The following ABHD12 variants were observed in gnomAD, a reference collection of about 807,000 sequenced individuals.
ABHD12 encodes the protein abhydrolase domain containing 12, lysophospholipase.
ABHD12 carries 43 observed loss-of-function variants against 58.3 expected under a neutral mutation model. The observed-to-expected ratio is 0.74, with a 90% CI of 0.58 to 0.95. ABHD12 has a LOEUF of 0.95. ABHD12 is among the 40% of genes least tolerant of loss of function. The pLI, the probability that ABHD12 is intolerant of heterozygous loss-of-function variation, is 0.00. For missense variants in ABHD12, 539 were observed against 537.2 expected, an observed-to-expected ratio of 1.00 and a Z score of -0.03; for synonymous variants, 219 against 211.2, an observed-to-expected ratio of 1.04 and a Z score of -0.32.
chr20:25,315,585 T>TG (rs138473266), intron 5 of ABHD12, among the ~76,000 whole-genome samples: 5 of 151,770 alleles, frequency 3.3e-5, no homozygotes, highest in Admixed American at 6.5e-5. Context: ...CTCCCTTCTT[T>TG]GGGGGGGTTG....
At chr20:25,333,667 A>C (rs1231714564) in intron 2 of ABHD12, among the ~76,000 whole-genome samples, 2 of 151,976 alleles carry the variant, frequency 1.3e-5, no homozygotes, top group East Asian at 3.8e-4. Context: ...GCAAATCAAT[A>C]AATGTAATCC....
At chr20:25,309,321 C>A in intron 7 of ABHD12, 125 bp downstream of exon 7, 3 of 1,403,258 alleles carry the variant, frequency 2.1e-6, no homozygotes, top group Non-Finnish European at 3.0e-6. Context: ...GGGATGGGAG[C>A]GAGGCTGGTC....
At chr20:25,354,102 G>GTTCT (rs2089637699) in intron 1 of ABHD12, among the ~76,000 whole-genome samples, 1 of 152,218 alleles carries the variant, frequency 6.6e-6, no homozygotes, top group Non-Finnish European at 1.5e-5. Flanking sequence ...GGACGGGGAG[G>GTTCT]TTCTTATTTC....
chr20:25,371,630 C>G (rs766117557), intron 1 of ABHD12, among the ~76,000 whole-genome samples: 37 of 152,146 alleles, frequency 2.4e-4, no homozygotes, highest in Non-Finnish European at 4.3e-4. Context: ...ATCTCAGAAA[C>G]TTGATAGAAA....
intron 1 of ABHD12, among the ~76,000 whole-genome samples, chr20:25,346,149 A>T (rs958331637): frequency 6.6e-6 from 1 of 152,234 alleles, no homozygotes; most frequent in Non-Finnish European, 1.5e-5. Context: ...TCAGCAATCA[A>T]GCCATGAAAA....
At chr20:25,365,219 C>G (rs772901646) in intron 1 of ABHD12, among the ~76,000 whole-genome samples, 1 of 152,248 alleles carries the variant, frequency 6.6e-6, no homozygotes, top group Non-Finnish European at 1.5e-5. Context: ...CAAAGTCTCA[C>G]TGCCAACTTG....
chr20:25,352,768 G>A (rs139428920), intron 1 of ABHD12, among the ~76,000 whole-genome samples: 1 of 152,270 alleles, frequency 6.6e-6, no homozygotes, highest in East Asian at 1.9e-4. Context: ...TACAGGCCAG[G>A]CATGGTAGCT....
chr20:25,300,515 G>C lies in ABHD12; in HGVS notation c.*330C>G, dbSNP rs568458189. On this transcript the variant is annotated 3_prime_UTR_variant, in exon 13 of 13. Transcript: ENST00000339157. Reference sequence around the variant, plus strand: ...CCCGAGCCCCAAGAGTCCCCTGCCCGGACTCCCCCTGTCCAGCTCAGTGCA... The same window carrying C: ...CCCGAGCCCCAAGAGTCCCCTGCCCCGACTCCCCCTGTCCAGCTCAGTGCA... 1 of 1,319,830 alleles carries C rather than the reference G, an allele frequency of 7.6e-7. No individual in the cohort carries two copies. Among genetic ancestry groups the C allele is most frequent in the East Asian group, 3.3e-5 (1 of 30,012 alleles). The allele number at this position is 1,319,830 out of a possible 1,614,324, so 81.8% of individuals were successfully genotyped here. A position where few individuals can be genotyped will look rare whatever the true frequency, so the allele number is the denominator to read the frequency against.
intron 1 of ABHD12, among the ~76,000 whole-genome samples, chr20:25,367,365 A>G (rs1215258531): frequency 6.6e-6 from 1 of 152,216 alleles, no homozygotes; most frequent in African/African-American, 2.4e-5. Flanking sequence ...AATTTGCCAC[A>G]TATACTTCAG....
chr20:25,349,638 C>G (rs1009298991), intron 1 of ABHD12, among the ~76,000 whole-genome samples: 3 of 152,084 alleles, frequency 2.0e-5, no homozygotes, highest in Admixed American at 2.0e-4. Flanking sequence ...GTGAAATAAG[C>G]CAGACACAAA....
At chr20:25,326,330 G>A (rs879295951) in intron 2 of ABHD12, among the ~76,000 whole-genome samples, 13 of 152,262 alleles carry the variant, frequency 8.5e-5, no homozygotes, top group East Asian at 3.9e-4. Context: ...GACTTATAGC[G>A]CCAATAAAAG....
chr20:25,352,391 C>T (rs1962310), intron 1 of ABHD12, among the ~76,000 whole-genome samples: 34,160 of 151,088 alleles, frequency 0.23, 4,375 homozygotes, highest in East Asian at 0.57. Context: ...TGGATTCAAG[C>T]GATTCTCCTG....
intron 9 of ABHD12, among the ~76,000 whole-genome samples, chr20:25,307,542 C>G (rs1205542878): frequency 6.6e-6 from 1 of 152,260 alleles, no homozygotes; most frequent in African/African-American, 2.4e-5. Context: ...CCCAGAATTC[C>G]CACTGGGGTT....
chr20:25,385,331 CAAAAAAAAA>C (rs11477490), intron 1 of ABHD12, among the ~76,000 whole-genome samples: 4 of 51,728 alleles, frequency 7.7e-5, no homozygotes, highest in South Asian at 1.9e-3. Flanking sequence ...GAGTGAGACT[CAAAAAAAAA>C]AAAAAAAAAA....
chr20:25,307,048 T>C, intron 9 of ABHD12, 133 bp from the exon 10 acceptor site: 1 of 706,232 alleles, frequency 1.4e-6, no homozygotes, highest in South Asian at 1.5e-5. Flanking sequence ...GGAGCAGGGG[T>C]GACATTGCCA....
chr20:25,380,605 T>TGTCA (rs896938441), intron 1 of ABHD12, among the ~76,000 whole-genome samples: 91 of 152,126 alleles, frequency 6.0e-4, no homozygotes, highest in Non-Finnish European at 1.6e-4. Flanking sequence ...AAGCCACTCC[T>TGTCA]GTCAATACTG....
downstream of ABHD12, chr20:25,295,538 TC>T: frequency 2.0e-6 from 3 of 1,533,282 alleles, no homozygotes; most frequent in Admixed American, 5.0e-5. Context: ...CCTGGGACTC[TC>T]CCCTCGGGAC....
chr20:25,371,578 G>C lies in ABHD12; in HGVS notation c.191+18935C>G, dbSNP rs2089900456. 2.6e-5 allele frequency among the ~76,000 whole-genome samples: 4 copies of C among 152,142 alleles called. No homozygotes were observed. The South Asian group carries it at 8.3e-4, about 32-fold the overall frequency. ...CTAATAAAATGTTCTATAAAATGGG[G>C]ACTGACCTAATATTGCCGGGTTTTT... On this transcript the variant is annotated intron_variant, in intron 1 of 12. Transcript: ENST00000339157.
At position 25,302,352 on chromosome 20, in the gene ABHD12, G is replaced by A. The variant is rs1440981969; in HGVS notation, c.1030-6C>T. ...GGTGCGGCGATGCTATAGAGCTGGG[G>A]AGAGAGGGGTCAGAGCCTGAGGCAG... On this transcript the variant is annotated splice_region_variant and splice_polypyrimidine_tract_variant and intron_variant, in intron 11 of 12. Coordinates refer to ENST00000339157, the MANE Select transcript of ABHD12 (RefSeq NM_001042472.3). The A allele has an allele frequency of 2.5e-6, 4 of 1,612,972 alleles. No individual in the cohort carries two copies. The highest frequency in any genetic ancestry group is 1.7e-5 in the Admixed American group (1 of 60,006).
Sources: allele counts gnomAD v4.1 joint callset (sites outside exome capture counted in the v4.1 genomes callset), GRCh38; gene constraint gnomAD v4.1.1; transcripts MANE v1.5; gene names NCBI Gene and HGNC (gene_info 2026-07-23, HGNC 2026-07-21).